GARIN1B: variants seen among roughly 807,000 people sequenced by gnomAD.
GARIN1B encodes golgi associated RAB2 interactor 1B.
chr7:128,717,077 A>C, the GARIN1B span: 2 of 1,283,086 alleles, frequency 1.6e-6, no homozygotes, highest in Non-Finnish European at 2.1e-6. Context: ...TACTAAACTC[A>C]AGGAGAAGAT....
At chr7:128,723,164 A>G in the GARIN1B span, 1 of 1,578,692 alleles carries the variant, frequency 6.3e-7, no homozygotes, top group South Asian at 1.1e-5. Flanking sequence ...CCAAGGCCTT[A>G]ACCACCTGGT....
At chr7:128,725,322 CA>C in the GARIN1B span, among the ~76,000 whole-genome samples, 1 of 151,510 alleles carries the variant, frequency 6.6e-6, no homozygotes, top group Non-Finnish European at 1.5e-5. Flanking sequence ...TTGGCTATCT[CA>C]AATTATCAAA....
At chr7:128,722,790 C>T in the GARIN1B span, among the ~76,000 whole-genome samples, 239 of 151,674 alleles carry the variant, frequency 1.6e-3, 1 homozygote, top group East Asian at 6.2e-3. Context: ...GCTATAAGAG[C>T]GAGACTCTGC....
At chr7:128,715,401 C>T in the GARIN1B span, 2 of 1,600,026 alleles carry the variant, frequency 1.2e-6, no homozygotes, top group Non-Finnish European at 1.7e-6. Flanking sequence ...AGACAGAGAT[C>T]CCAGGACAAA....
At chr7:128,709,747 TC>T in the GARIN1B span, among the ~76,000 whole-genome samples, 427 of 20,204 alleles carry the variant, frequency 0.021, 3 homozygotes, top group South Asian at 0.11. Flanking sequence ...TCTCTCTCTC[TC>T]TCTTTTTTTT....
chr7:128,714,726 A>G, the GARIN1B span, among the ~76,000 whole-genome samples: 2 of 152,060 alleles, frequency 1.3e-5, no homozygotes, highest in African/African-American at 2.4e-5. Context: ...TTCAGGGGTG[A>G]GGGATGCTGT....
the GARIN1B span, among the ~76,000 whole-genome samples, chr7:128,722,506 G>A: frequency 1.3e-5 from 2 of 152,166 alleles, no homozygotes; most frequent in African/African-American, 4.8e-5. Context: ...GAGAAATTAA[G>A]TTTTAAAACA....
chr7:128,712,369 G>A, the GARIN1B span, among the ~76,000 whole-genome samples: 2 of 152,116 alleles, frequency 1.3e-5, no homozygotes, highest in Non-Finnish European at 2.9e-5. Context: ...CAGTTCAGTG[G>A]CATGAAGTAC....
the GARIN1B span, among the ~76,000 whole-genome samples, chr7:128,721,214 C>T: frequency 6.6e-6 from 1 of 152,082 alleles, no homozygotes; most frequent in African/African-American, 2.4e-5. Context: ...TCTTGAGCTC[C>T]TGGGCTCAAG....
the GARIN1B span, chr7:128,718,920 A>T: frequency 6.2e-7 from 1 of 1,614,172 alleles, no homozygotes; most frequent in Non-Finnish European, 8.5e-7. Flanking sequence ...AAGATTTATT[A>T]CCTAAAGCTC....
chr7:128,728,399 C>T, the GARIN1B span, among the ~76,000 whole-genome samples: 14 of 151,512 alleles, frequency 9.2e-5, no homozygotes, highest in Non-Finnish European at 1.8e-4. Context: ...GCCGAGATCA[C>T]GCCACTGCAC....
chr7:128,730,748 G>A, the GARIN1B span, among the ~76,000 whole-genome samples: 11 of 152,154 alleles, frequency 7.2e-5, no homozygotes, highest in African/African-American at 2.6e-4. Context: ...CCAGGTTCAA[G>A]TGATCCTCCT....
the GARIN1B span, among the ~76,000 whole-genome samples, chr7:128,709,925 G>A: frequency 6.6e-6 from 1 of 151,276 alleles, no homozygotes; most frequent in Admixed American, 6.6e-5. Context: ...CTAATTTTTA[G>A]TATCTTTAGT....
chr7:128,716,750 TG>T, the GARIN1B span: 2 of 1,428,316 alleles, frequency 1.4e-6, no homozygotes, highest in Non-Finnish European at 1.9e-6. Flanking sequence ...TGAGAAACCC[TG>T]GGCTGAAACA....
At chr7:128,710,950 G>A in the GARIN1B span, among the ~76,000 whole-genome samples, 333 of 152,176 alleles carry the variant, frequency 2.2e-3, 3 homozygotes, top group African/African-American at 7.3e-3. Flanking sequence ...GAGCCACTGC[G>A]CCTGGCCTGG....
the GARIN1B span, chr7:128,716,820 G>C: frequency 1.2e-6 from 2 of 1,607,282 alleles, no homozygotes; most frequent in Non-Finnish European, 1.7e-6. Flanking sequence ...CAGGTCAAAA[G>C]GGGCAGGAAT....
chr7:128,728,766 A>G, the GARIN1B span, among the ~76,000 whole-genome samples: 1 of 152,228 alleles, frequency 6.6e-6, no homozygotes, highest in Non-Finnish European at 1.5e-5. Flanking sequence ...CAAACAAAAC[A>G]TATCTGCAGA....
At chr7:128,713,905 T>C in the GARIN1B span, 24 of 1,240,484 alleles carry the variant, frequency 1.9e-5, no homozygotes, top group East Asian at 5.9e-4. Flanking sequence ...GCTTTTGTGC[T>C]GTGTGTTCCC....
chr7:128,710,027 C>T, the GARIN1B span, among the ~76,000 whole-genome samples: 1 of 152,076 alleles, frequency 6.6e-6, no homozygotes, highest in Non-Finnish European at 1.5e-5. Flanking sequence ...AAGCAATTCT[C>T]CTGCCTCAAT....
Sources: allele counts gnomAD v4.1 joint callset (sites outside exome capture counted in the v4.1 genomes callset), GRCh38; gene constraint gnomAD v4.1.1; transcripts MANE v1.5; gene names NCBI Gene and HGNC (gene_info 2026-07-23, HGNC 2026-07-21).